Variants in RIMBP2 observed in about 807,000 individuals in gnomAD.
RIMBP2 encodes the protein RIMS-binding protein 2.
Under a neutral mutation model 118.6 loss-of-function variants are expected in RIMBP2, and 48 were observed. The ratio of observed to expected loss-of-function variants is 0.40; its 90% CI spans 0.32 to 0.51. The LOEUF is 0.51. RIMBP2 is among the 20% of genes least tolerant of loss of function. RIMBP2 has a pLI of 0.41. For missense variants in RIMBP2, 1,551 were observed against 1,768.3 expected (o/e 0.88, Z 2.20); for synonymous variants, 762 against 742.9 (o/e 1.03, Z -0.42).
intron 2 of RIMBP2, among the ~76,000 whole-genome samples, chr12:130,625,009 C>T (rs1446203589): frequency 1.3e-5 from 2 of 152,170 alleles, no homozygotes; most frequent in Non-Finnish European, 1.5e-5. Flanking sequence ...AGGCATGAGC[C>T]ACCACGCCAG....
intron 1 of RIMBP2, among the ~76,000 whole-genome samples, chr12:130,652,098 T>C (rs76516119): frequency 0.013 from 2,056 of 152,300 alleles, 52 homozygotes; most frequent in African/African-American, 0.047. Flanking sequence ...GTTTTTTAAA[T>C]ACTCTTCTTC....
intron 2 of RIMBP2, among the ~76,000 whole-genome samples, chr12:130,557,445 C>A (rs1427098156): frequency 6.6e-6 from 1 of 152,234 alleles, no homozygotes; most frequent in African/African-American, 2.4e-5. Flanking sequence ...ATGCGAGTGA[C>A]CTTGGAGGCG....
At position 130,695,344 on chromosome 12, in the gene RIMBP2, T is replaced by G. The variant is rs577899255; in HGVS notation, c.-352+20878A>C. ...CATCTCACCAAACCCACACTCAGAC[T>G]TCAACTTGATCTCCAAATAAGTGAC... is the stretch of plus-strand genomic sequence containing the variant. On this transcript the variant is annotated intron_variant, in intron 1 of 22. Coordinates refer to ENST00000690449, the MANE Select transcript of RIMBP2 (RefSeq NM_001393629.1). 7.9e-5 allele frequency among the ~76,000 whole-genome samples: 12 copies of G among 152,294 alleles called. No individual in the cohort carries two copies. The East Asian group carries it at 2.3e-3, about 29-fold the overall frequency.
chr12:130,485,669 C>G lies in RIMBP2; in HGVS notation c.-3-6653G>C, dbSNP rs7957698. Among the ~76,000 whole-genome samples, 527 of 152,270 alleles carry G rather than the reference C, an allele frequency of 3.5e-3. 5 individuals carry two copies. Among genetic ancestry groups the G allele is most frequent in the African/African-American group, 0.012 (500 of 41,536 alleles). ...TTAGTTCTGGGAAGGAAGTTGTTAGCGAGAGGAGGGTGCCACCTTCCCTAC... is the reference window on the plus strand; with the variant it reads ...TTAGTTCTGGGAAGGAAGTTGTTAGGGAGAGGAGGGTGCCACCTTCCCTAC... On this transcript the variant is annotated intron_variant, in intron 4 of 22. Coordinates refer to ENST00000690449, the MANE Select transcript of RIMBP2 (RefSeq NM_001393629.1).
chr12:130,480,375 G>A (rs2081873841), intron 4 of RIMBP2, among the ~76,000 whole-genome samples: 2 of 152,092 alleles, frequency 1.3e-5, no homozygotes, highest in South Asian at 2.1e-4. Context: ...CCCTTCCGAT[G>A]GCATATACCC....
rs1555270547 is a variant in RIMBP2, at chr12:130,498,651, A to AAC, written c.-4+7996_-4+7997insGT. ...CAGCATTCAAAAAAAAAAAAAAAAA[A>AAC]CACTCAGTGCAGGAAATCCGAGCTA... is the stretch of plus-strand genomic sequence containing the variant. On this transcript the variant is annotated intron_variant, in intron 4 of 22. Coordinates refer to ENST00000690449, the MANE Select transcript of RIMBP2 (RefSeq NM_001393629.1). Among the ~76,000 whole-genome samples the AAC allele has an allele frequency of 3.0e-4, 45 of 149,854 alleles. No individual in the cohort carries two copies. The East Asian group carries it at 6.5e-3, about 22-fold the overall frequency.
At chr12:130,440,077 C>T (rs2077991890) in intron 11 of RIMBP2, among the ~76,000 whole-genome samples, 1 of 151,314 alleles carries the variant, frequency 6.6e-6, no homozygotes, top group Middle Eastern at 3.4e-3. Flanking sequence ...CATGGCTAAC[C>T]CTGGCCGTAC....
At chr12:130,502,961 G>A (rs868444452) in intron 4 of RIMBP2, among the ~76,000 whole-genome samples, 7 of 152,140 alleles carry the variant, frequency 4.6e-5, no homozygotes, top group Non-Finnish European at 1.5e-5. Context: ...AGACAGGGTG[G>A]ACTTGCAGGC....
At chr12:130,554,019 T>C (rs530484145) in intron 2 of RIMBP2, among the ~76,000 whole-genome samples, 4 of 152,166 alleles carry the variant, frequency 2.6e-5, no homozygotes, top group Admixed American at 6.5e-5. Context: ...AAACATTTAC[T>C]GCAAGCCAAC....
chr12:130,607,079 C>T (rs1405493716), intron 2 of RIMBP2, among the ~76,000 whole-genome samples: 1 of 152,146 alleles, frequency 6.6e-6, no homozygotes, highest in Non-Finnish European at 1.5e-5. Flanking sequence ...ATCTACCCGC[C>T]TCGGCCTCCC....
At chr12:130,538,627 G>A (rs2054284638) in intron 2 of RIMBP2, among the ~76,000 whole-genome samples, 1 of 152,102 alleles carries the variant, frequency 6.6e-6, no homozygotes, top group Non-Finnish European at 1.5e-5. Context: ...GAACCTCTGA[G>A]CTATAATAAG....
At chr12:130,535,674 C>CACATAT (rs1234748427) in intron 2 of RIMBP2, among the ~76,000 whole-genome samples, 1 of 114,668 alleles carries the variant, frequency 8.7e-6, no homozygotes, top group African/African-American at 3.6e-5. Context: ...TACATATATA[C>CACATAT]ACATATATAT....
At chr12:130,630,053 A>G (rs2061899670) in intron 1 of RIMBP2, among the ~76,000 whole-genome samples, 1 of 152,108 alleles carries the variant, frequency 6.6e-6, no homozygotes, top group East Asian at 1.9e-4. Flanking sequence ...GATGCTAAAA[A>G]GACCAATGAA....
chr12:130,531,936 T>C (rs1179204952), intron 2 of RIMBP2, among the ~76,000 whole-genome samples: 2 of 143,606 alleles, frequency 1.4e-5, no homozygotes, highest in Non-Finnish European at 3.0e-5. Flanking sequence ...TGCGTATGTT[T>C]AGCCTCTAGG....
chr12:130,403,569 T>C (rs1053177036), intron 21 of RIMBP2, among the ~76,000 whole-genome samples: 1 of 152,226 alleles, frequency 6.6e-6, no homozygotes, highest in African/African-American at 2.4e-5. Context: ...TAAAAACTTT[T>C]GTGCAACTGC....
intron 14 of RIMBP2, among the ~76,000 whole-genome samples, chr12:130,433,432 G>A (rs187451357): frequency 9.2e-5 from 14 of 152,302 alleles, no homozygotes; most frequent in Admixed American, 7.8e-4. Context: ...GACCCTGTGA[G>A]GCATAAAAAT....
At chr12:130,507,237 C>T (rs1024046806) in intron 3 of RIMBP2, among the ~76,000 whole-genome samples, 5 of 152,172 alleles carry the variant, frequency 3.3e-5, no homozygotes, top group Non-Finnish European at 7.3e-5. Flanking sequence ...AGGGAAGAAC[C>T]CATCTGAGAA....
intron 1 of RIMBP2, among the ~76,000 whole-genome samples, chr12:130,713,077 G>A (rs748030002): frequency 2.0e-5 from 3 of 150,118 alleles, no homozygotes; most frequent in Non-Finnish European, 2.9e-5. Flanking sequence ...GAGACTGAGA[G>A]AAAAGGAAAG....
intron 2 of RIMBP2, among the ~76,000 whole-genome samples, chr12:130,544,588 C>T (rs1202002199): frequency 7.2e-6 from 1 of 138,280 alleles, no homozygotes; most frequent in Non-Finnish European, 1.5e-5. Context: ...CCAGATGTAA[C>T]TGGAGGCCTT....
Sources: gnomAD v4.1 joint callset for allele counts (sites outside exome capture counted in the v4.1 genomes callset) on GRCh38, gnomAD v4.1.1 for gene constraint, MANE v1.5 for transcripts, NCBI Gene and HGNC (gene_info 2026-07-23, HGNC 2026-07-21) for gene names.